PLEKHS1: variants seen among roughly 807,000 people sequenced by gnomAD.
PLEKHS1 encodes pleckstrin homology domain-containing family S member 1.
In PLEKHS1, 55 loss-of-function variants were observed where a neutral mutation model predicts 51.0. The ratio of observed to expected loss-of-function variants is 1.08; its 90% CI spans 0.87 to 1.35. PLEKHS1 has a LOEUF of 1.35. Among genes scored for constraint, PLEKHS1 ranks in the 40% most tolerant of loss-of-function variants. PLEKHS1 has a pLI of 0.00. For synonymous variants in PLEKHS1, 153 were observed against 144.8 expected, an observed-to-expected ratio of 1.06 and a Z score of -0.41; for missense variants, 398 against 423.0, an observed-to-expected ratio of 0.94 and a Z score of 0.52.
intron 2 of PLEKHS1, chr10:113,765,407 C>CT (rs748822335): frequency 1.3e-6 from 1 of 779,316 alleles, no homozygotes; most frequent in East Asian, 2.4e-5. Flanking sequence ...AGCACTTTTT[C>CT]TGAATCTCTG....
At chr10:113,780,835 C>T in exon 12 of PLEKHS1, 1 of 1,459,702 alleles carries the variant, frequency 6.9e-7, no homozygotes, top group Non-Finnish European at 9.1e-7. Flanking sequence ...CTGTCCAGCT[C>T]TGCCCCCTGC....
intron 11 of PLEKHS1, chr10:113,777,867 G>A: frequency 1.3e-5 from 14 of 1,085,360 alleles, no homozygotes; most frequent in Non-Finnish European, 1.6e-5. Flanking sequence ...GCTTACACCT[G>A]TAATCCCAGC....
chr10:113,777,423 T>G (rs1477656793), intron 11 of PLEKHS1, 164 bp downstream of exon 12: 2 of 1,608,962 alleles, frequency 1.2e-6, no homozygotes, highest in Non-Finnish European at 1.7e-6. Context: ...TCTTTCAGGA[T>G]TCTTTCATAT....
Position 113,767,596 on chromosome 10 carries a change from C to A in PLEKHS1, c.359+117C>A, listed in dbSNP as rs1029451141. ...GAACCCACGCTACAAACCTCAAATG[C>A]CATCTTGGCAATCTTAGTTATTTTT... is the stretch of plus-strand genomic sequence containing the variant. On this transcript the variant is annotated intron_variant, in intron 5 of 11. Transcript: ENST00000361048. 25 of 986,988 alleles carry A rather than the reference C, an allele frequency of 2.5e-5. No individual in the cohort carries two copies. The African/African-American group carries it at 3.9e-4, about 15-fold the overall frequency. The allele number at this position is 986,988 out of a possible 1,614,324, so 61.1% of individuals were successfully genotyped here.
At chr10:113,772,771 T>C (rs1482451140) in intron 8 of PLEKHS1, among the ~76,000 whole-genome samples, 3 of 152,178 alleles carry the variant, frequency 2.0e-5, no homozygotes, top group Admixed American at 1.3e-4. Context: ...TGGGGAATAG[T>C]TCAGTGAGGC....
intron 11 of PLEKHS1, 113 bp from the exon 12 acceptor site, chr10:113,777,011 T>C (rs774882279): frequency 1.4e-5 from 16 of 1,170,002 alleles, no homozygotes; most frequent in Non-Finnish European, 1.8e-5. Context: ...CAGAAGGAGA[T>C]AGTCTACTTC....
intron 2 of PLEKHS1, among the ~76,000 whole-genome samples, chr10:113,764,143 C>A (rs950897170): frequency 2.0e-5 from 3 of 152,140 alleles, no homozygotes; most frequent in African/African-American, 4.8e-5. Flanking sequence ...CTCTATCGCC[C>A]AGGCTGGAGT....
intron 8 of PLEKHS1, among the ~76,000 whole-genome samples, chr10:113,772,940 A>G (rs978385997): frequency 6.6e-6 from 1 of 152,238 alleles, no homozygotes; most frequent in Non-Finnish European, 1.5e-5. Flanking sequence ...ATTATCCTCC[A>G]TTAGTATTAA....
intron 5 of PLEKHS1, among the ~76,000 whole-genome samples, chr10:113,767,968 T>C (rs116737056): frequency 2.3e-4 from 35 of 152,292 alleles, no homozygotes; most frequent in African/African-American, 7.9e-4. Context: ...TATGACCTCA[T>C]CTTGACCAAT....
At chr10:113,779,858 A>G (rs1844815084) in intron 11 of PLEKHS1, among the ~76,000 whole-genome samples, 1 of 152,188 alleles carries the variant, frequency 6.6e-6, no homozygotes, top group Admixed American at 6.5e-5. Context: ...ATTGAGAAAT[A>G]TGCAGTATTC....
At chr10:113,751,683 G>C (rs1853848895) in exon 1 of PLEKHS1, 1 of 152,248 alleles carries the variant, frequency 6.6e-6, no homozygotes. Context: ...CCAAGGCTCA[G>C]AGTCAGCAGG....
chr10:113,768,796 AG>A lies in PLEKHS1; in HGVS notation c.360-18del. 6.2e-7 allele frequency: 1 copy of A among 1,604,778 alleles called. No individual in the cohort carries two copies. Among genetic ancestry groups the A allele is most frequent in the Non-Finnish European group, 8.5e-7 (1 of 1,175,096 alleles). On this transcript the variant is annotated intron_variant, in intron 5 of 11. Coordinates refer to ENST00000361048, the Ensembl canonical transcript of PLEKHS1. ...CTATTGTTGCCACATGCCAACTGAA[AG>A]TTTATTCCTGTCAACAGGGAGAAGA...
exon 12 of PLEKHS1, chr10:113,781,982 A>G (rs11196484): frequency 0.15 from 22,548 of 152,298 alleles, 1,955 homozygotes; most frequent in Middle Eastern, 0.2. Context: ...AGCTTGCTCT[A>G]CAAGCAATAA....
rs575281571 is a variant in PLEKHS1 at position 113,753,675 on chromosome 10, C to T, written c.-19-1584C>T. Among the ~76,000 whole-genome samples, 7 of 152,206 alleles carry T rather than the reference C, an allele frequency of 4.6e-5. No homozygotes were observed. In the East Asian group the frequency reaches 7.7e-4, roughly 17 times the overall value. On this transcript the variant is annotated intron_variant, in intron 1 of 11. Transcript: ENST00000361048. ...CCCTAGGGGCAGGGTAGGTATGATTCCAGGGTCCAGGAAAGCCATCCCACT... is the reference window on the plus strand; with the variant it reads ...CCCTAGGGGCAGGGTAGGTATGATTTCAGGGTCCAGGAAAGCCATCCCACT...
intron 11 of PLEKHS1, 58 bp downstream of exon 11, chr10:113,775,924 ACAATTACATCTT>A (rs1844632211): frequency 7.7e-7 from 1 of 1,294,984 alleles, no homozygotes; most frequent in African/African-American, 1.5e-5. Context: ...TTTGAAGAGA[ACAATTACATCTT>A]GAAACAGTGT....
chr10:113,765,308 T>C, intron 2 of PLEKHS1: 1 of 775,544 alleles, frequency 1.3e-6, no homozygotes, highest in South Asian at 1.4e-5. Flanking sequence ...GTAGAGCTAA[T>C]TATTCCTCAC....
At chr10:113,757,581 G>T (rs928197911) in intron 2 of PLEKHS1, among the ~76,000 whole-genome samples, 1 of 152,224 alleles carries the variant, frequency 6.6e-6, no homozygotes, top group Non-Finnish European at 1.5e-5. Context: ...AGAGGGTCTT[G>T]CCTCGATGTT....
At chr10:113,770,122 CTTGATATGCTT>C (rs967600819) in intron 7 of PLEKHS1, among the ~76,000 whole-genome samples, 1 of 152,218 alleles carries the variant, frequency 6.6e-6, no homozygotes, top group African/African-American at 2.4e-5. Context: ...TTTAGATGCT[CTTGATATGCTT>C]TGGGTATGCT....
chr10:113,774,121 A>C, intron 8 of PLEKHS1, 106 bp from the exon 9 acceptor site: 1 of 664,954 alleles, frequency 1.5e-6, no homozygotes, highest in East Asian at 3.0e-5. Flanking sequence ...CATCCACTGG[A>C]AACTGTACCT....
Sources: allele counts gnomAD v4.1 joint callset (sites outside exome capture counted in the v4.1 genomes callset), GRCh38; gene constraint gnomAD v4.1.1; transcripts MANE v1.5; gene names NCBI Gene and HGNC (gene_info 2026-07-23, HGNC 2026-07-21).